Variants in CPNE8 observed in about 807,000 individuals in gnomAD.
CPNE8 encodes copine-8.
In CPNE8, 45 loss-of-function variants were observed where a neutral mutation model predicts 81.5. The observed-to-expected ratio is 0.55, with a 90% CI of 0.44 to 0.71. The LOEUF (loss-of-function observed/expected upper bound fraction) is 0.71, where lower values mean the gene tolerates loss of function less well. Ranked by LOEUF, CPNE8 falls within the 30% of genes least tolerant of loss-of-function variation. The pLI, the probability that CPNE8 is intolerant of heterozygous loss-of-function variation, is 0.00. For missense variants in CPNE8, 594 were observed against 672.1 expected (o/e 0.88, Z 1.28); for synonymous variants, 252 against 226.3 (o/e 1.11, Z -1.02).
intron 14 of CPNE8, among the ~76,000 whole-genome samples, chr12:38,700,074 G>T (rs541863447): frequency 6.6e-6 from 1 of 151,972 alleles, no homozygotes; most frequent in African/African-American, 2.4e-5. Context: ...CTTGCCTAAT[G>T]GTCTTGGCTA....
chr12:38,697,928 G>A (rs1164432087), intron 14 of CPNE8, among the ~76,000 whole-genome samples: 2 of 152,142 alleles, frequency 1.3e-5, no homozygotes, highest in African/African-American at 2.4e-5. Context: ...TGCTTATACA[G>A]CCTGCAGAAC....
At chr12:38,771,042 C>A (rs1246774317) in intron 7 of CPNE8, among the ~76,000 whole-genome samples, 2 of 152,006 alleles carry the variant, frequency 1.3e-5, no homozygotes, top group Non-Finnish European at 2.9e-5. Flanking sequence ...CTGTTTTTTT[C>A]TTGCCATTCT....
chr12:38,741,699 G>T (rs1240874270), intron 10 of CPNE8, among the ~76,000 whole-genome samples: 12 of 152,022 alleles, frequency 7.9e-5, no homozygotes, highest in Non-Finnish European at 1.3e-4. Flanking sequence ...AAGAGCTTCT[G>T]CACAGCAAAA....
At chr12:38,865,886 G>T (rs77168396) in intron 3 of CPNE8, among the ~76,000 whole-genome samples, 113 of 152,322 alleles carry the variant, frequency 7.4e-4, no homozygotes, top group African/African-American at 2.1e-3. Flanking sequence ...GATATGCACA[G>T]AGCTAATAGA....
At chr12:38,733,115 A>G (rs1405104631) in intron 10 of CPNE8, among the ~76,000 whole-genome samples, 2 of 151,968 alleles carry the variant, frequency 1.3e-5, no homozygotes, top group Non-Finnish European at 2.9e-5. Flanking sequence ...AAAATAGCCA[A>G]CCCAAGCTAT....
intron 8 of CPNE8, among the ~76,000 whole-genome samples, chr12:38,766,702 T>C (rs1209191757): frequency 6.6e-6 from 1 of 152,114 alleles, no homozygotes; most frequent in African/African-American, 2.4e-5. Context: ...CCCATTCTAT[T>C]CCCCTCATTT....
At chr12:38,808,932 C>T (rs1942879009) in intron 6 of CPNE8, among the ~76,000 whole-genome samples, 2 of 151,764 alleles carry the variant, frequency 1.3e-5, no homozygotes, top group South Asian at 2.1e-4. Flanking sequence ...CAGGTAAATG[C>T]TAATTAAAAT....
intron 6 of CPNE8, among the ~76,000 whole-genome samples, chr12:38,817,164 C>T (rs1391673414): frequency 6.6e-6 from 1 of 152,178 alleles, no homozygotes; most frequent in African/African-American, 2.4e-5. Context: ...CTGGGCAAAT[C>T]ATCCTGAATT....
intron 6 of CPNE8, among the ~76,000 whole-genome samples, chr12:38,778,327 T>C (rs1941977355): frequency 6.6e-6 from 1 of 152,146 alleles, no homozygotes; most frequent in Non-Finnish European, 1.5e-5. Context: ...AGGAAGCATG[T>C]CTCGGGACAT....
chr12:38,747,525 T>C (rs1941254802), intron 10 of CPNE8, among the ~76,000 whole-genome samples: 1 of 152,104 alleles, frequency 6.6e-6, no homozygotes, highest in Non-Finnish European at 1.5e-5. Flanking sequence ...GAGTAAAAAG[T>C]GTATTACTTT....
At chr12:38,741,879 T>G (rs558583213) in intron 10 of CPNE8, among the ~76,000 whole-genome samples, 1 of 152,210 alleles carries the variant, frequency 6.6e-6, no homozygotes, top group East Asian at 1.9e-4. Flanking sequence ...GAACAGACAC[T>G]TCTCAAAAGG....
chr12:38,677,873 G>A (rs1170942409), intron 16 of CPNE8, among the ~76,000 whole-genome samples: 3 of 151,842 alleles, frequency 2.0e-5, no homozygotes, highest in Non-Finnish European at 4.4e-5. Flanking sequence ...TCCTGACTAA[G>A]CAACACATTA....
intron 11 of CPNE8, 129 bp downstream of exon 11, chr12:38,730,154 C>T: frequency 1.6e-6 from 1 of 606,606 alleles, no homozygotes; most frequent in Non-Finnish European, 2.9e-6. Context: ...TGCTCAACAA[C>T]TTCAAAGATT....
At chr12:38,721,354 T>A (rs142957834) in intron 13 of CPNE8, 1 of 152,878 alleles carries the variant, frequency 6.5e-6, no homozygotes, top group Non-Finnish European at 1.5e-5. Flanking sequence ...CTCCAAGGCC[T>A]CCTATCTGGG....
intron 13 of CPNE8, among the ~76,000 whole-genome samples, chr12:38,703,927 G>T (rs190198790): frequency 6.6e-6 from 1 of 152,186 alleles, no homozygotes; most frequent in African/African-American, 2.4e-5. Flanking sequence ...CCACAAAAAA[G>T]AATAAAGTCA....
chr12:38,878,991 C>G (rs1393195732), intron 1 of CPNE8, among the ~76,000 whole-genome samples: 1 of 152,138 alleles, frequency 6.6e-6, no homozygotes, highest in Non-Finnish European at 1.5e-5. Context: ...ACGACAACAA[C>G]AACAACAAAA....
rs955890457 is a variant in CPNE8, at chr12:38,675,718, A to G, written c.1431T>C (p.Asp477=). ...IIVGVGPAEF[D]AMVELDGDDV... is the part of the protein sequence containing the mutation. ...TATTATTGAAATTTTACTACTCACCATCAAATTCTGCTGGTCCAACACCTA... is the reference window on the plus strand; with the variant it reads ...TATTATTGAAATTTTACTACTCACCGTCAAATTCTGCTGGTCCAACACCTA... The change falls in exon 18 of 20, where the codon GAT becomes GAC. Residue 477 remains aspartate, a splice_region_variant and synonymous_variant. Coordinates refer to ENST00000331366, the MANE Select transcript of CPNE8 (RefSeq NM_153634.3). 5 of 1,593,310 alleles carry G rather than the reference A, an allele frequency of 3.1e-6. No individual in the cohort carries two copies. Among genetic ancestry groups the G allele is most frequent in the Non-Finnish European group, 4.3e-6 (5 of 1,161,574 alleles).
chr12:38,744,355 A>G (rs915511465), intron 10 of CPNE8, among the ~76,000 whole-genome samples: 1 of 152,208 alleles, frequency 6.6e-6, no homozygotes, highest in Non-Finnish European at 1.5e-5. Flanking sequence ...CCTCATCAAA[A>G]CTAAAGAAAA....
chr12:38,774,020 T>C (rs2136884719), intron 7 of CPNE8, among the ~76,000 whole-genome samples: 1 of 152,214 alleles, frequency 6.6e-6, no homozygotes, highest in African/African-American at 2.4e-5. Context: ...GAAAGATAAT[T>C]CCAGATGTTA....
Sources: gnomAD v4.1 joint callset for allele counts (sites outside exome capture counted in the v4.1 genomes callset) on GRCh38, gnomAD v4.1.1 for gene constraint, MANE v1.5 for transcripts, NCBI Gene and HGNC (gene_info 2026-07-23, HGNC 2026-07-21) for gene names.